Variants in GABRB2 observed in about 807,000 individuals in gnomAD.
The protein encoded by GABRB2 is gamma-aminobutyric acid type A receptor subunit beta2, also known as gamma-aminobutyric acid receptor subunit beta-2.
GABRB2 carries 16 observed loss-of-function variants against 54.7 expected under a neutral mutation model. That is an observed-to-expected ratio of 0.29 (90% CI 0.20 to 0.44). The LOEUF (loss-of-function observed/expected upper bound fraction) is 0.44, where lower values mean the gene tolerates loss of function less well. Among genes scored for constraint, GABRB2 ranks in the 20% least tolerant of loss-of-function variants. The probability of loss-of-function intolerance (pLI) is 1.00; values close to 1 mark genes in which losing one functional copy is unlikely to be tolerated. For synonymous variants in GABRB2, 244 were observed against 233.8 expected (o/e 1.04, Z -0.40); for missense variants, 355 against 644.0 (o/e 0.55, Z 4.86).
At chr5:161,332,165 C>CAAA (rs5872708) in intron 7 of GABRB2, among the ~76,000 whole-genome samples, 12,249 of 69,042 alleles carry the variant, frequency 0.18, 1,174 homozygotes, top group East Asian at 0.22. Context: ...GACTCCGTCT[C>CAAA]AAAAAAAAAA....
chr5:161,505,373 C>T (rs1211221425), intron 3 of GABRB2, among the ~76,000 whole-genome samples: 1 of 152,024 alleles, frequency 6.6e-6, no homozygotes, highest in Non-Finnish European at 1.5e-5. Context: ...TCTGGTGATC[C>T]ACCCGCCTCC....
chr5:161,533,179 G>A (rs1760519003), intron 3 of GABRB2, among the ~76,000 whole-genome samples: 1 of 152,068 alleles, frequency 6.6e-6, no homozygotes, highest in Non-Finnish European at 1.5e-5. Context: ...TGTGAACAAA[G>A]AGAACAACAG....
At position 161,292,432 on chromosome 5, in the gene GABRB2, G is replaced by A. The variant is rs760217607; in HGVS notation, c.*1649C>T. 5 of 152,118 alleles carry A rather than the reference G, an allele frequency of 3.3e-5. No homozygotes were observed. Among genetic ancestry groups the A allele is most frequent in the South Asian group, 2.1e-4 (1 of 4,818 alleles). 9.4% of individuals were successfully genotyped at this position (152,118 alleles called of 1,614,324 possible). A position where few individuals can be genotyped will look rare whatever the true frequency, so the allele number is the denominator to read the frequency against. ...ATTTTCTATAAGAAAAGCAAAATAT[G>A]AGCCTTATATTGATAGAAGGAAGAC... is the stretch of plus-strand genomic sequence containing the variant. On this transcript the variant is annotated 3_prime_UTR_variant, in exon 10 of 10. Coordinates refer to ENST00000393959, the MANE Select transcript of GABRB2 (RefSeq NM_001371727.1).
At chr5:161,319,006 T>C (rs969638292) in intron 9 of GABRB2, among the ~76,000 whole-genome samples, 2 of 151,984 alleles carry the variant, frequency 1.3e-5, no homozygotes, top group African/African-American at 4.8e-5. Context: ...TCTAAGTCTT[T>C]TGCAGTTCAT....
At chr5:161,311,012 G>T (rs752632619) in intron 9 of GABRB2, among the ~76,000 whole-genome samples, 3 of 151,920 alleles carry the variant, frequency 2.0e-5, no homozygotes, top group Non-Finnish European at 4.4e-5. Flanking sequence ...TGCCCGCCTC[G>T]GCCTCCCAAA....
At chr5:161,489,289 A>T (rs1485105350) in intron 3 of GABRB2, among the ~76,000 whole-genome samples, 1 of 151,628 alleles carries the variant, frequency 6.6e-6, no homozygotes, top group Non-Finnish European at 1.5e-5. Context: ...GCTTTTTCTT[A>T]GTAGCCCATG....
At chr5:161,437,827 G>C (rs536772151) in intron 4 of GABRB2, among the ~76,000 whole-genome samples, 1 of 152,272 alleles carries the variant, frequency 6.6e-6, no homozygotes, top group Non-Finnish European at 1.5e-5. Context: ...ATAAGGGGAG[G>C]GAAGGGTAGG....
intron 3 of GABRB2, among the ~76,000 whole-genome samples, chr5:161,460,257 T>TA (rs1260129661): frequency 1.5e-5 from 2 of 131,942 alleles, no homozygotes; most frequent in African/African-American, 6.7e-5. Context: ...AGAAAACAAA[T>TA]TTATATATAT....
chr5:161,516,615 T>A (rs1759957464), intron 3 of GABRB2, among the ~76,000 whole-genome samples: 1 of 152,202 alleles, frequency 6.6e-6, no homozygotes, highest in Non-Finnish European at 1.5e-5. Flanking sequence ...ATTCCCTATA[T>A]ATTTGCTGTA....
chr5:161,366,032 C>T (rs970686523), intron 5 of GABRB2, among the ~76,000 whole-genome samples: 1 of 150,110 alleles, frequency 6.7e-6, no homozygotes, highest in African/African-American at 2.5e-5. Context: ...TCAATGAATT[C>T]GCATGAAAAG....
intron 5 of GABRB2, among the ~76,000 whole-genome samples, chr5:161,366,539 G>C (rs978441133): frequency 1.3e-5 from 2 of 152,148 alleles, no homozygotes; most frequent in Non-Finnish European, 2.9e-5. Context: ...GGGTACCTGA[G>C]AGCAGAAATA....
At chr5:161,488,401 C>T (rs920986372) in intron 3 of GABRB2, among the ~76,000 whole-genome samples, 1 of 151,636 alleles carries the variant, frequency 6.6e-6, no homozygotes, top group Non-Finnish European at 1.5e-5. Flanking sequence ...CTATTTCTCT[C>T]ACTGTGGTCT....
At chr5:161,319,695 GT>G (rs1758152304) in intron 9 of GABRB2, among the ~76,000 whole-genome samples, 1 of 151,590 alleles carries the variant, frequency 6.6e-6, no homozygotes, top group South Asian at 2.1e-4. Flanking sequence ...TCATTTGGAA[GT>G]TTTTCCTTCT....
chr5:161,348,856 A>G (rs1679544455), intron 5 of GABRB2, among the ~76,000 whole-genome samples: 1 of 152,106 alleles, frequency 6.6e-6, no homozygotes, highest in South Asian at 2.1e-4. Context: ...TCATTTGGTT[A>G]TCCTTTGATG....
At chr5:161,484,649 T>C (rs188732575) in intron 3 of GABRB2, among the ~76,000 whole-genome samples, 1 of 152,114 alleles carries the variant, frequency 6.6e-6, no homozygotes, top group Non-Finnish European at 1.5e-5. Flanking sequence ...ACATCCAAGG[T>C]CCACAGCAAA....
At chr5:161,450,128 T>G (rs1343500655) in intron 4 of GABRB2, among the ~76,000 whole-genome samples, 2 of 152,190 alleles carry the variant, frequency 1.3e-5, no homozygotes, top group African/African-American at 4.8e-5. Flanking sequence ...GAAGCGCAGC[T>G]GGCTTCTTCC....
At chr5:161,348,460 T>C (rs1754380664) in intron 5 of GABRB2, among the ~76,000 whole-genome samples, 1 of 152,066 alleles carries the variant, frequency 6.6e-6, no homozygotes, top group South Asian at 2.1e-4. Context: ...CCTTATTTCA[T>C]TTAGCTCCTG....
chr5:161,439,853 G>T (rs1757414623), intron 4 of GABRB2, among the ~76,000 whole-genome samples: 1 of 151,986 alleles, frequency 6.6e-6, no homozygotes, highest in Admixed American at 6.6e-5. Context: ...GCATAAGGAA[G>T]AATAGCTAAT....
At chr5:161,548,265 G>C (rs1316426228), upstream of GABRB2, 1 of 152,250 alleles carries the variant, frequency 6.6e-6, no homozygotes, top group Admixed American at 6.5e-5. Flanking sequence ...ATTCACAAAA[G>C]AAGTCTTCCC....
Sources: allele counts gnomAD v4.1 joint callset (sites outside exome capture counted in the v4.1 genomes callset), GRCh38; gene constraint gnomAD v4.1.1; transcripts MANE v1.5; gene names NCBI Gene and HGNC (gene_info 2026-07-23, HGNC 2026-07-21).